CPAMD8: variants seen among roughly 807,000 people sequenced by gnomAD.
CPAMD8 encodes the protein C3 and PZP-like alpha-2-macroglobulin domain-containing protein 8.
Under a neutral mutation model 224.7 loss-of-function variants are expected in CPAMD8, and 146 were observed. The observed-to-expected ratio is 0.65, with a 90% CI of 0.57 to 0.75. The LOEUF (loss-of-function observed/expected upper bound fraction) is 0.75, where lower values mean the gene tolerates loss of function less well. CPAMD8 is among the 30% of genes least tolerant of loss of function. The pLI is 0.00. For missense variants in CPAMD8, 2,301 were observed against 2,537.5 expected, an observed-to-expected ratio of 0.91 and a Z score of 2.00; for synonymous variants, 966 against 1,044.6, an observed-to-expected ratio of 0.92 and a Z score of 1.45.
chr19:17,004,307 G>C lies in CPAMD8; in HGVS notation c.639C>G (p.His213Gln). The C allele has an allele frequency of 6.2e-7, 1 of 1,611,560 alleles. No individual in the cohort carries two copies. Among genetic ancestry groups the C allele is most frequent in the Non-Finnish European group, 8.5e-7 (1 of 1,177,764 alleles). The change falls in exon 8 of 42, where the codon CAC becomes CAG. Residue 213 changes from histidine to glutamine, a missense_variant. This residue lies in a region of CPAMD8 where 283 missense variants were observed against 340.6 expected (regional missense o/e 0.83). Transcript: ENST00000443236. ...EWFIFVEMQGHAYNKSFEVQK... is the reference protein window; with the variant it reads ...EWFIFVEMQGQAYNKSFEVQK... The stretch of plus-strand genomic sequence containing the variant: ...GAACTTCAAAAGACTTGTTGTACGC[G>C]TGGCCTTGCATTTCAACAAAAATGA...
In CPAMD8 at chr19:16,894,340, C is replaced by T. The variant is rs1254624025; in HGVS notation, c.5427-1001G>A. ...GTCACCTGGGCTGAGGTCTGCCCACCCACCATACAGAGTCACAGGCTGATA... is the reference window on the plus strand; with the variant it reads ...GTCACCTGGGCTGAGGTCTGCCCACTCACCATACAGAGTCACAGGCTGATA... On this transcript the variant is annotated intron_variant, in intron 41 of 41. Coordinates refer to ENST00000443236, the MANE Select transcript of CPAMD8 (RefSeq NM_015692.5). 5 of 447,106 alleles carry T rather than the reference C, an allele frequency of 1.1e-5. No individual in the cohort carries two copies. The East Asian group carries it at 3.5e-4, about 32-fold the overall frequency. 27.7% of individuals were successfully genotyped at this position (447,106 alleles called of 1,614,324 possible).
At chr19:16,988,381 T>A (rs1356375320) in intron 13 of CPAMD8, among the ~76,000 whole-genome samples, 2 of 152,044 alleles carry the variant, frequency 1.3e-5, no homozygotes, top group Non-Finnish European at 2.9e-5. Context: ...GAGGCCAAGG[T>A]GGGCAGATCA....
rs376741138 is a variant in CPAMD8 at position 17,002,905 on chromosome 19, C to CTTTTTTTTTTTT, written c.674-556_674-555insAAAAAAAAAAAA. ...TTCGTTCTTTCTTTTCTTTTCTTTT[C>CTTTTTTTTTTTT]TTTTCTTTTTTTTTTTGAGACAGAT... On this transcript the variant is annotated intron_variant, in intron 8 of 41. Coordinates refer to ENST00000443236, the MANE Select transcript of CPAMD8 (RefSeq NM_015692.5). 3.7e-5 allele frequency among the ~76,000 whole-genome samples: 5 copies of CTTTTTTTTTTTT among 133,446 alleles called. 1 individual carries two copies. Among genetic ancestry groups the CTTTTTTTTTTTT allele is most frequent in the Non-Finnish European group, 4.7e-5 (3 of 64,094 alleles). 87.5% of individuals were successfully genotyped at this position (133,446 alleles called of 152,430 possible).
rs542642616 is a variant in CPAMD8, at chr19:17,015,663, C to T, written c.268-3906G>A. Among the ~76,000 whole-genome samples the T allele has an allele frequency of 9.3e-4, 141 of 152,306 alleles. 1 individual carries two copies. Among genetic ancestry groups the T allele is most frequent in the Non-Finnish European group, 1.4e-3 (96 of 68,014 alleles). On this transcript the variant is annotated intron_variant, in intron 3 of 41. Coordinates refer to ENST00000443236, the MANE Select transcript of CPAMD8 (RefSeq NM_015692.5). ...TAAACCTCACCCACTACTCCAATCCCAAAATCCTCACCTGGCCCTGTTTCT... is the reference window on the plus strand; with the variant it reads ...TAAACCTCACCCACTACTCCAATCCTAAAATCCTCACCTGGCCCTGTTTCT...
chr19:16,967,154 C>A (rs1389988440), intron 18 of CPAMD8, among the ~76,000 whole-genome samples: 1 of 152,058 alleles, frequency 6.6e-6, no homozygotes, highest in Non-Finnish European at 1.5e-5. Context: ...GAATACTATG[C>A]AGCCATAAAA....
intron 13 of CPAMD8, among the ~76,000 whole-genome samples, chr19:16,981,222 G>A (rs77917224): frequency 0.019 from 2,828 of 151,990 alleles, 106 homozygotes; most frequent in African/African-American, 0.066. Context: ...TTGGCCAGGC[G>A]TGGTGGCACA....
chr19:17,013,844 A>C (rs1483103599), intron 3 of CPAMD8, among the ~76,000 whole-genome samples: 3 of 151,640 alleles, frequency 2.0e-5, no homozygotes, highest in Non-Finnish European at 4.4e-5. Flanking sequence ...GAGAAAAAAA[A>C]AAACCACTTC....
intron 19 of CPAMD8, among the ~76,000 whole-genome samples, chr19:16,956,876 G>A (rs1234982036): frequency 6.6e-6 from 1 of 151,870 alleles, no homozygotes; most frequent in East Asian, 1.9e-4. Context: ...CCATGTTAGA[G>A]AGGGTGGTCT....
chr19:16,916,379 C>A (rs2052959663), intron 27 of CPAMD8, among the ~76,000 whole-genome samples: 1 of 151,836 alleles, frequency 6.6e-6, no homozygotes, highest in Admixed American at 6.6e-5. Context: ...GGGATTACAG[C>A]CTCCCGAGTA....
At position 16,957,868 on chromosome 19, in the gene CPAMD8, T is replaced by G; in HGVS notation, c.2261A>C (p.His754Pro). 6.2e-7 allele frequency: 1 copy of G among 1,614,172 alleles called. No homozygotes were observed. The highest frequency in any genetic ancestry group is 8.5e-7 in the Non-Finnish European group (1 of 1,180,012). The stretch of plus-strand genomic sequence containing the variant: ...CTTAATGTACCTGATGTTGAGACAA[T>G]GCCAAATCCATGTTTCGGGGAAGAA... ...RTFFPETWIW[H>P]CLNISDPSGE... is the part of the protein sequence containing the mutation. The change falls in exon 19 of 42, where the codon CAT becomes CCT. Residue 754 changes from histidine (H) to proline (P), a missense_variant. Coordinates refer to ENST00000443236, the MANE Select transcript of CPAMD8 (RefSeq NM_015692.5).
rs774715250 is a variant in CPAMD8 at position 16,904,218 on chromosome 19, C to T, written c.4251+8G>A. 3.1e-5 allele frequency: 49 copies of T among 1,603,496 alleles called. No individual in the cohort carries two copies. The highest frequency in any genetic ancestry group is 6.8e-5 in the East Asian group (3 of 44,382). On this transcript the variant is annotated splice_region_variant and intron_variant, in intron 32 of 41. Transcript: ENST00000443236. ...CTGAGCCCCTCCCTCTGGCCCTGCC[C>T]GGCTCGCCTGAGTGGAGGAGAAGCC...
chr19:16,986,696 G>T (rs1340090629), intron 13 of CPAMD8, among the ~76,000 whole-genome samples: 1 of 152,098 alleles, frequency 6.6e-6, no homozygotes, highest in African/African-American at 2.4e-5. Context: ...AGGGCCCTGG[G>T]CGCTGTGATG....
Position 16,952,119 on chromosome 19 carries a change from G to A in CPAMD8, c.2358C>T (p.Ser786=), listed in dbSNP as rs1030598675. The A allele has an allele frequency of 1.3e-6, 2 of 1,553,008 alleles. No homozygotes were observed. The highest frequency in any genetic ancestry group is 1.7e-6 in the Non-Finnish European group (2 of 1,147,362). ...CGGCGATGCCTAAGCCCTGAGAGGT[G>A]GACAGGGCCACGGCCTCACCCACCC... ...TSWVGEAVAL[S]TSQGLGIAEP... The change falls in exon 20 of 42, where the codon TCC becomes TCT. Residue 786 remains serine (S), a synonymous_variant. Transcript: ENST00000443236.
At chr19:16,990,209 A>G (rs987498273) in intron 12 of CPAMD8, among the ~76,000 whole-genome samples, 1 of 152,120 alleles carries the variant, frequency 6.6e-6, no homozygotes, top group African/African-American at 2.4e-5. Flanking sequence ...AGCTGAGATC[A>G]TACCACTGCA....
At chr19:17,011,787 A>G in intron 3 of CPAMD8, 30 bp from the exon 4 acceptor site, 1 of 1,605,106 alleles carries the variant, frequency 6.2e-7, no homozygotes, top group Non-Finnish European at 8.5e-7. Context: ...CTTTGGGACA[A>G]GAATTCACCC....
intron 13 of CPAMD8, among the ~76,000 whole-genome samples, chr19:16,985,927 T>C (rs1474804268): frequency 3.3e-5 from 5 of 152,066 alleles, no homozygotes; most frequent in South Asian, 2.1e-4. Context: ...TTGTTTATTA[T>C]ATTAACATTT....
At chr19:17,020,078 G>A (rs1272649423) in intron 3 of CPAMD8, among the ~76,000 whole-genome samples, 2 of 149,704 alleles carry the variant, frequency 1.3e-5, no homozygotes, top group South Asian at 2.1e-4. Context: ...AGGTTCAAGC[G>A]ATTCTCCTGC....
chr19:16,931,221 C>A (rs191290902), intron 23 of CPAMD8, among the ~76,000 whole-genome samples: 170 of 152,290 alleles, frequency 1.1e-3, no homozygotes, highest in African/African-American at 3.7e-3. Flanking sequence ...ACTGCACACA[C>A]CACCAGGGAG....
chr19:16,957,212 C>T (rs1193504357), intron 19 of CPAMD8, among the ~76,000 whole-genome samples: 1 of 152,216 alleles, frequency 6.6e-6, no homozygotes, highest in East Asian at 1.9e-4. Flanking sequence ...GCACTTGCCA[C>T]AGCACCTTGT....
Sources: gnomAD v4.1 joint callset for allele counts (sites outside exome capture counted in the v4.1 genomes callset) on GRCh38, gnomAD v4.1.1 for gene constraint, gnomAD v4.1.1 regional missense constraint, MANE v1.5 for transcripts, NCBI Gene and HGNC (gene_info 2026-07-23, HGNC 2026-07-21) for gene names.